MTO1: variants seen among roughly 807,000 people sequenced by gnomAD.
MTO1 encodes the protein mitochondrial tRNA translation optimization 1, also known as 5-taurinomethyluridine-[tRNA] synthase subunit MTO1, mitochondrial.
MTO1 carries 46 observed loss-of-function variants against 71.6 expected under a neutral mutation model. The observed-to-expected ratio is 0.64, with a 90% CI of 0.51 to 0.82. The LOEUF is 0.82. MTO1 is among the 40% of genes least tolerant of loss of function. The pLI is 0.00. For missense variants in MTO1, 773 were observed against 867.5 expected (o/e 0.89, Z 1.37); for synonymous variants, 297 against 312.1 (o/e 0.95, Z 0.51).
chr6:73,466,168 G>A, intron 1 of MTO1, 41 bp from the exon 2 acceptor site: 4 of 1,491,782 alleles, frequency 2.7e-6, no homozygotes, highest in Non-Finnish European at 2.8e-6. Flanking sequence ...CTATGTGCAA[G>A]GTGCTCATAT....
Position 73,479,769 on chromosome 6 carries a change from A to T in MTO1, c.863A>T (p.Asn288Ile), listed in dbSNP as rs776313125. The T allele has an allele frequency of 6.2e-7, 1 of 1,613,806 alleles. No homozygotes were observed. Residue 288 changes from asparagine to isoleucine, a missense_variant, in exon 5 of 12, where the codon AAC becomes ATC. Asn to Ile is a moderately radical substitution (Grantham distance 149, BLOSUM62 -3). Coordinates refer to ENST00000498286, the MANE Select transcript of MTO1 (RefSeq NM_012123.4). ...DQLPCYLTHT[N>I]PRVDEIVLKN... ...CTGCCATGTTACTTGACTCACACCA[A>T]CCCTAGAGTGGATGAGATTGTCCTT...
At chr6:73,494,941 G>A (rs1382174743) in intron 10 of MTO1, among the ~76,000 whole-genome samples, 1 of 151,720 alleles carries the variant, frequency 6.6e-6, no homozygotes, top group Non-Finnish European at 1.5e-5. Context: ...CACCACACCT[G>A]GCTAATTTTT....
At chr6:73,499,826 T>C (rs1271428110) in intron 11 of MTO1, among the ~76,000 whole-genome samples, 9 of 152,216 alleles carry the variant, frequency 5.9e-5, no homozygotes, top group South Asian at 2.1e-4. Context: ...TATATGGTCT[T>C]TATACTGTTC....
intron 10 of MTO1, among the ~76,000 whole-genome samples, chr6:73,493,087 C>T (rs142439842): frequency 0.016 from 2,384 of 149,230 alleles, 62 homozygotes; most frequent in African/African-American, 0.049. Flanking sequence ...CTCTCCCTCC[C>T]GGGTTCAAGT....
intron 1 of MTO1, chr6:73,464,283 G>A (rs1770914045): frequency 6.6e-6 from 1 of 152,056 alleles, no homozygotes; most frequent in African/African-American, 2.4e-5. Flanking sequence ...GAAGAAGGAG[G>A]AAAATAATCT....
intron 11 of MTO1, among the ~76,000 whole-genome samples, chr6:73,500,051 G>A (rs1403220953): frequency 6.6e-6 from 1 of 152,134 alleles, no homozygotes; most frequent in Non-Finnish European, 1.5e-5. Context: ...CCAGGCTGGA[G>A]TGCAGTGGCA....
intron 3 of MTO1, chr6:73,471,589 T>A: frequency 3.6e-6 from 1 of 278,422 alleles, no homozygotes; most frequent in Non-Finnish European, 7.0e-6. Context: ...TAATTTATTA[T>A]TTTTTTTTGT....
intron 6 of MTO1, 59 bp from the exon 7 acceptor site, chr6:73,480,616 C>T (rs1006347158): frequency 6.3e-7 from 1 of 1,594,394 alleles, no homozygotes; most frequent in South Asian, 1.1e-5. Context: ...GCTTGCATCT[C>T]TACCTTGAGC....
intron 3 of MTO1, among the ~76,000 whole-genome samples, chr6:73,467,857 C>T (rs770215217): frequency 1.3e-5 from 2 of 152,000 alleles, no homozygotes; most frequent in Non-Finnish European, 2.9e-5. Flanking sequence ...GAGTCTCACT[C>T]TGTGCCAGGC....
At chr6:73,468,764 C>T (rs968796678) in intron 3 of MTO1, among the ~76,000 whole-genome samples, 1 of 151,678 alleles carries the variant, frequency 6.6e-6, no homozygotes, top group Non-Finnish European at 1.5e-5. Flanking sequence ...GCAGCAACCA[C>T]GCCCAGCTAA....
chr6:73,482,761 C>T (rs1250318915), intron 9 of MTO1, 141 bp downstream of exon 9: 7 of 538,012 alleles, frequency 1.3e-5, no homozygotes, highest in African/African-American at 6.0e-5. Context: ...TTTCAAAATC[C>T]GTTAGCTGTA....
At chr6:73,469,715 G>C (rs1434115785) in intron 3 of MTO1, among the ~76,000 whole-genome samples, 5 of 151,732 alleles carry the variant, frequency 3.3e-5, no homozygotes, top group Non-Finnish European at 5.9e-5. Flanking sequence ...TGGTGATTAA[G>C]ACTTGAACTG....
intron 4 of MTO1, among the ~76,000 whole-genome samples, chr6:73,476,251 G>A (rs1273792069): frequency 6.6e-6 from 1 of 151,590 alleles, no homozygotes; most frequent in Non-Finnish European, 1.5e-5. Context: ...GCTCATGCCT[G>A]TAATCCCAGC....
chr6:73,485,991 ATGTGT>A (rs1771642427), intron 9 of MTO1, among the ~76,000 whole-genome samples: 1 of 152,152 alleles, frequency 6.6e-6, no homozygotes, highest in Non-Finnish European at 1.5e-5. Flanking sequence ...AAATGTATTG[ATGTGT>A]TAGGTAGCTC....
Position 73,505,658 on chromosome 6 carries a change from T to A in MTO1, c.*4923T>A, listed in dbSNP as rs184463614. The A allele has an allele frequency of 1.3e-5, 2 of 152,310 alleles. No homozygotes were observed. The highest frequency in any genetic ancestry group is 4.8e-5 in the African/African-American group (2 of 41,564). The allele number at this position is 152,310 out of a possible 1,614,324, so 9.4% of individuals were successfully genotyped here. On this transcript the variant is annotated 3_prime_UTR_variant, in exon 12 of 12. Transcript: ENST00000498286. ...GCAACCTCTGCCTCCTAGGTTCAAA[T>A]GATTCTTCTGCCTCAGTCTCCTGAG...
rs1481643580 is a variant in MTO1 at position 73,497,904 on chromosome 6, A to T, written c.1917+8A>T. ...TTTAGTCGTCCACAGACGGTAAGAA[A>T]ATAGGCAGGAGAATAGAAACAAGTT... is the stretch of plus-strand genomic sequence containing the variant. On this transcript the variant is annotated splice_region_variant and intron_variant, in intron 11 of 11. Coordinates refer to ENST00000498286, the MANE Select transcript of MTO1 (RefSeq NM_012123.4). 2 of 1,601,908 alleles carry T rather than the reference A, an allele frequency of 1.2e-6. No individual in the cohort carries two copies.
rs756545251 is a variant in MTO1 at position 73,479,861 on chromosome 6, A to G, written c.938+17A>G. On this transcript the variant is annotated intron_variant, in intron 5 of 11. Transcript: ENST00000498286. ...AGGACCTCGGTAAGGACAAAATGTCAGTGCTCAGTTACTTTAAGGAATGAC... is the reference window on the plus strand; with the variant it reads ...AGGACCTCGGTAAGGACAAAATGTCGGTGCTCAGTTACTTTAAGGAATGAC... 1 of 1,605,482 alleles carries G rather than the reference A, an allele frequency of 6.2e-7. No individual in the cohort carries two copies. The highest frequency in any genetic ancestry group is 1.7e-5 in the Admixed American group (1 of 59,560).
rs770890953 is a variant in MTO1, at chr6:73,480,041, G to T, written c.1044G>T (p.Gly348=). The stretch of plus-strand genomic sequence containing the variant: ...ATTCTGACCTTATCTACCCACAGGG[G>T]TTATCTATGACGCTACCAGCTGAGT... The part of the protein sequence containing the change: ...GMDSDLIYPQ[G]LSMTLPAELQ... The change falls in exon 6 of 12, where the codon GGG becomes GGT. Residue 348 remains glycine (G), a synonymous_variant. Coordinates refer to ENST00000498286, the MANE Select transcript of MTO1 (RefSeq NM_012123.4). 24 of 1,614,028 alleles carry T rather than the reference G, an allele frequency of 1.5e-5. No individual in the cohort carries two copies. The highest frequency in any genetic ancestry group is 2.0e-5 in the Non-Finnish European group (24 of 1,180,012).
chr6:73,476,271 G>T (rs1349185698), intron 4 of MTO1, among the ~76,000 whole-genome samples: 6 of 151,518 alleles, frequency 4.0e-5, no homozygotes, highest in Admixed American at 1.3e-4. Context: ...CTACTCGGGA[G>T]GCTGAGGCAG....
Sources: gnomAD v4.1 joint callset for allele counts (sites outside exome capture counted in the v4.1 genomes callset) on GRCh38, gnomAD v4.1.1 for gene constraint, MANE v1.5 for transcripts, NCBI Gene and HGNC (gene_info 2026-07-23, HGNC 2026-07-21) for gene names.